Variants in P4HA1 observed in about 807,000 individuals in gnomAD.
The protein encoded by P4HA1 is prolyl 4-hydroxylase subunit alpha-1.
A neutral mutation model predicts 72.8 loss-of-function variants in P4HA1; 24 were observed. The observed-to-expected ratio is 0.33, with a 90% CI of 0.24 to 0.46. The LOEUF (loss-of-function observed/expected upper bound fraction) is 0.46. Ranked by LOEUF, P4HA1 falls within the 20% of genes least tolerant of loss-of-function variation. P4HA1 has a pLI of 1.00. For missense variants in P4HA1, 446 were observed against 640.6 expected (o/e 0.70, Z 3.28); for synonymous variants, 201 against 218.8 (o/e 0.92, Z 0.72).
At chr10:73,062,536 A>T (rs1300665556) in intron 5 of P4HA1, among the ~76,000 whole-genome samples, 1 of 152,236 alleles carries the variant, frequency 6.6e-6, no homozygotes, top group East Asian at 1.9e-4. Flanking sequence ...AAGACAGACT[A>T]GCCTACATTT....
At chr10:73,081,546 T>A (rs1841823210) in intron 1 of P4HA1, among the ~76,000 whole-genome samples, 2 of 152,150 alleles carry the variant, frequency 1.3e-5, no homozygotes, top group Non-Finnish European at 2.9e-5. Flanking sequence ...TTTACATTCA[T>A]CCAAACACAA....
intron 8 of P4HA1, 30 bp from the exon 9 acceptor site, chr10:73,045,081 T>C: frequency 1.3e-6 from 2 of 1,589,612 alleles, no homozygotes; most frequent in Non-Finnish European, 1.7e-6. Flanking sequence ...AATAGTTGCA[T>C]TACAAAACAA....
chr10:73,047,203 G>C, intron 7 of P4HA1, 102 bp from the exon 8 acceptor site: 1 of 839,018 alleles, frequency 1.2e-6, no homozygotes, highest in Non-Finnish European at 1.9e-6. Flanking sequence ...TGCATATACA[G>C]AGTATCTCTG....
At chr10:73,083,723 C>G (rs904374912) in intron 1 of P4HA1, among the ~76,000 whole-genome samples, 1 of 152,122 alleles carries the variant, frequency 6.6e-6, no homozygotes, top group Non-Finnish European at 1.5e-5. Flanking sequence ...AATGGCTATT[C>G]AAAGTTCTAG....
intron 7 of P4HA1, among the ~76,000 whole-genome samples, chr10:73,050,846 A>C (rs1841002684): frequency 6.6e-6 from 1 of 152,174 alleles, no homozygotes; most frequent in Non-Finnish European, 1.5e-5. Context: ...CTAAGACTAC[A>C]AGTGTACACC....
Position 73,037,556 on chromosome 10 carries a change from TATATATATATATATA to T in P4HA1, c.1149-7201_1149-7187del, listed in dbSNP as rs1473636288. Among the ~76,000 whole-genome samples the T allele has an allele frequency of 5.7e-3, 202 of 35,358 alleles. 4 individuals carry two copies. Among genetic ancestry groups the T allele is most frequent in the African/African-American group, 0.012 (100 of 8,460 alleles). 23.2% of individuals were successfully genotyped at this position (35,358 alleles called of 152,430 possible). On this transcript the variant is annotated intron_variant, in intron 9 of 14. Transcript: ENST00000394890. Reference sequence around the variant, plus strand: ...ATATATATATATATATATATATATATATATATATATATATATTTTTTTTTTTTTTTTTTTACAAAG... The same window carrying T: ...ATATATATATATATATATATATATATTTTTTTTTTTTTTTTTTTTACAAAG...
At chr10:73,010,378 T>C (rs145588396) in intron 13 of P4HA1, among the ~76,000 whole-genome samples, 2,600 of 152,264 alleles carry the variant, frequency 0.017, 36 homozygotes, top group Non-Finnish European at 0.024. Flanking sequence ...AGAACCGTTT[T>C]TGATCATATG....
chr10:73,018,830 A>G (rs2133042346), intron 10 of P4HA1, among the ~76,000 whole-genome samples: 1 of 152,112 alleles, frequency 6.6e-6, no homozygotes, highest in Middle Eastern at 3.4e-3. Context: ...TCTTTTCCCA[A>G]GCAGCTAGAG....
At chr10:73,034,093 A>C (rs1001527830) in intron 9 of P4HA1, among the ~76,000 whole-genome samples, 2 of 152,092 alleles carry the variant, frequency 1.3e-5, no homozygotes, top group Non-Finnish European at 2.9e-5. Context: ...GTGCCTGTGT[A>C]GTCCTAGCTA....
In P4HA1 at chr10:73,047,067, T is replaced by G; in HGVS notation, c.935A>C (p.Tyr312Ser). Reference protein sequence around the residue: ...PRRQKKLFCRYHDGNRNPKFI... With the variant: ...PRRQKKLFCRSHDGNRNPKFI... Reference sequence around the variant, plus strand: ...TTTAGGATTACGGTTTCCATCATGGTAGCGGCAAAAGAGTTTTTTCTGTCT... The same window carrying G: ...TTTAGGATTACGGTTTCCATCATGGGAGCGGCAAAAGAGTTTTTTCTGTCT... Residue 312 changes from tyrosine to serine, a missense_variant, in exon 8 of 15, where the codon TAC becomes TCC. Tyr to Ser is a moderately radical substitution (Grantham distance 144). Coordinates refer to ENST00000394890, the MANE Select transcript of P4HA1 (RefSeq NM_001017962.3). The G allele has an allele frequency of 6.2e-7, 1 of 1,613,776 alleles. No homozygotes were observed. Among genetic ancestry groups the G allele is most frequent in the Non-Finnish European group, 8.5e-7 (1 of 1,179,736 alleles).
intron 1 of P4HA1, among the ~76,000 whole-genome samples, chr10:73,082,782 C>T (rs2133153497): frequency 6.6e-6 from 1 of 152,242 alleles, no homozygotes; most frequent in East Asian, 1.9e-4. Context: ...ATGTTTCTGA[C>T]AGTTTTCATG....
chr10:73,034,841 A>C (rs1048749016), intron 9 of P4HA1, among the ~76,000 whole-genome samples: 1 of 152,104 alleles, frequency 6.6e-6, no homozygotes, highest in Non-Finnish European at 1.5e-5. Context: ...TCAGCCTCCC[A>C]AAGTGCTGAG....
chr10:73,037,308 T>TAAAA (rs202154662), intron 9 of P4HA1, among the ~76,000 whole-genome samples: 3 of 120,120 alleles, frequency 2.5e-5, no homozygotes, highest in Admixed American at 8.5e-5. Context: ...TTTCCGCTGT[T>TAAAA]AAAAAAAAAA....
At chr10:73,034,486 G>A (rs897508825) in intron 9 of P4HA1, among the ~76,000 whole-genome samples, 4 of 151,466 alleles carry the variant, frequency 2.6e-5, no homozygotes, top group Non-Finnish European at 5.9e-5. Flanking sequence ...TCTATTCTAC[G>A]TTCTGTCTGT....
intron 5 of P4HA1, among the ~76,000 whole-genome samples, chr10:73,056,921 G>A (rs1199044212): frequency 4.6e-5 from 7 of 150,546 alleles, no homozygotes; most frequent in African/African-American, 7.3e-5. Context: ...TTCGCCGGGC[G>A]TGGTGGCGGA....
intron 11 of P4HA1, among the ~76,000 whole-genome samples, chr10:73,015,688 G>C (rs576349082): frequency 6.6e-6 from 1 of 152,288 alleles, no homozygotes; most frequent in East Asian, 1.9e-4. Context: ...TCCTCTTACA[G>C]AGCTGTTATT....
chr10:73,031,588 G>T (rs1326690856), intron 9 of P4HA1, among the ~76,000 whole-genome samples: 2 of 151,692 alleles, frequency 1.3e-5, no homozygotes, highest in Non-Finnish European at 2.9e-5. Context: ...ATACAGAATA[G>T]ACAAATCAAT....
At chr10:73,095,465 C>T (rs1056999365) in intron 1 of P4HA1, among the ~76,000 whole-genome samples, 1 of 151,324 alleles carries the variant, frequency 6.6e-6, no homozygotes, top group Non-Finnish European at 1.5e-5. Flanking sequence ...AAAGACTAGC[C>T]TCATTCATAA....
chr10:73,077,314 TAAG>T (rs1163478907), intron 1 of P4HA1, among the ~76,000 whole-genome samples: 12 of 152,234 alleles, frequency 7.9e-5, no homozygotes, highest in Admixed American at 7.9e-4. Context: ...TTAACTCTGA[TAAG>T]AGAGTTTAGA....
Sources: allele counts gnomAD v4.1 joint callset (sites outside exome capture counted in the v4.1 genomes callset), GRCh38; gene constraint gnomAD v4.1.1; transcripts MANE v1.5; gene names NCBI Gene and HGNC (gene_info 2026-07-23, HGNC 2026-07-21).